RABGAP1L: variants seen among roughly 807,000 people sequenced by gnomAD.
The protein encoded by RABGAP1L is RAB GTPase activating protein 1 like.
In RABGAP1L, 63 loss-of-function variants were observed where a neutral mutation model predicts 137.7. The observed-to-expected ratio is 0.46, with a 90% CI of 0.37 to 0.56. The LOEUF (loss-of-function observed/expected upper bound fraction) is 0.56. RABGAP1L is among the 20% of genes least tolerant of loss of function. The pLI, the probability that RABGAP1L is intolerant of heterozygous loss-of-function variation, is 0.00. For missense variants in RABGAP1L, 1,095 were observed against 1,244.0 expected, an observed-to-expected ratio of 0.88 and a Z score of 1.80; for synonymous variants, 431 against 433.7, an observed-to-expected ratio of 0.99 and a Z score of 0.08.
chr1:174,393,881 T>A, intron 12 of RABGAP1L, 114 bp from the exon 13 acceptor site: 1 of 1,177,474 alleles, frequency 8.5e-7, no homozygotes, highest in Non-Finnish European at 1.2e-6. Context: ...CCCCACAAAC[T>A]GTTTTCTCTT....
chr1:174,527,099 G>C (rs1468259484), intron 13 of RABGAP1L, among the ~76,000 whole-genome samples: 1 of 151,874 alleles, frequency 6.6e-6, no homozygotes, highest in South Asian at 2.1e-4. Flanking sequence ...TTGTTCAGGA[G>C]CATTTTGTTC....
chr1:174,840,233 A>G (rs1693231197), intron 19 of RABGAP1L, among the ~76,000 whole-genome samples: 1 of 152,226 alleles, frequency 6.6e-6, no homozygotes, highest in South Asian at 2.1e-4. Context: ...ATGACAGAAC[A>G]AAGATTACAG....
chr1:174,550,860 A>G (rs1160769698), intron 13 of RABGAP1L, among the ~76,000 whole-genome samples: 1 of 36,586 alleles, frequency 2.7e-5, no homozygotes, highest in Non-Finnish European at 4.5e-5. Context: ...TCTGCTAAAT[A>G]TATATATATA....
intron 19 of RABGAP1L, among the ~76,000 whole-genome samples, chr1:174,899,528 G>A (rs921512163): frequency 1.3e-5 from 2 of 152,080 alleles, no homozygotes; most frequent in Non-Finnish European, 2.9e-5. Context: ...TTTAGAGTAG[G>A]GGACTTGGAT....
intron 13 of RABGAP1L, among the ~76,000 whole-genome samples, chr1:174,457,089 GAA>G (rs1656116730): frequency 6.6e-6 from 1 of 152,306 alleles, no homozygotes; most frequent in East Asian, 1.9e-4. Flanking sequence ...AGAGATTGCA[GAA>G]AAGTCATAGG....
rs911549633 is a variant in RABGAP1L, at chr1:174,628,513, A to G, written c.1711-8862A>G. Among the ~76,000 whole-genome samples, 3 of 152,230 alleles carry G rather than the reference A, an allele frequency of 2.0e-5. No homozygotes were observed. In the East Asian group the frequency reaches 5.8e-4, roughly 29 times the overall value. On this transcript the variant is annotated intron_variant, in intron 13 of 25. Coordinates refer to ENST00000681986, the MANE Select transcript of RABGAP1L (RefSeq NM_001366446.1). The stretch of plus-strand genomic sequence containing the variant: ...AGGCAATATGCTAAGTACTTCACAT[A>G]CATTCTAAATAATGTTATTTTAAGT...
chr1:174,767,893 G>A (rs1368217980), intron 18 of RABGAP1L, among the ~76,000 whole-genome samples: 1 of 152,192 alleles, frequency 6.6e-6, no homozygotes, highest in Non-Finnish European at 1.5e-5. Context: ...TCACGCGGCT[G>A]TGGCAAGAGA....
At chr1:174,306,568 A>G (rs1678272466) in intron 11 of RABGAP1L, among the ~76,000 whole-genome samples, 1 of 152,158 alleles carries the variant, frequency 6.6e-6, no homozygotes, top group African/African-American at 2.4e-5. Context: ...ATCTTCTTGA[A>G]GTATCTTATG....
chr1:174,398,314 A>C (rs1351454498), intron 13 of RABGAP1L, among the ~76,000 whole-genome samples: 1 of 152,136 alleles, frequency 6.6e-6, no homozygotes, highest in Non-Finnish European at 1.5e-5. Flanking sequence ...AGGTAGGGAC[A>C]CAGCCAAACC....
intron 19 of RABGAP1L, among the ~76,000 whole-genome samples, chr1:174,925,690 G>A (rs1386406662): frequency 6.6e-6 from 1 of 151,814 alleles, no homozygotes; most frequent in Non-Finnish European, 1.5e-5. Flanking sequence ...TTTAAAAACG[G>A]AATTTATAGA....
At chr1:174,200,991 C>T (rs1668052993) in intron 1 of RABGAP1L, among the ~76,000 whole-genome samples, 1 of 152,168 alleles carries the variant, frequency 6.6e-6, no homozygotes, top group African/African-American at 2.4e-5. Context: ...TAGCAACCAC[C>T]AGGGCCGTCG....
intron 10 of RABGAP1L, among the ~76,000 whole-genome samples, chr1:174,290,381 C>T (rs1676479034): frequency 6.6e-6 from 1 of 152,226 alleles, no homozygotes; most frequent in Admixed American, 6.5e-5. Flanking sequence ...GCTGGTGAAA[C>T]CATAGACTCA....
chr1:174,215,413 C>G (rs113795832), intron 1 of RABGAP1L, among the ~76,000 whole-genome samples: 1 of 149,868 alleles, frequency 6.7e-6, no homozygotes, highest in African/African-American at 2.5e-5. Flanking sequence ...GCCAATGTTG[C>G]GCCATTATAT....
intron 13 of RABGAP1L, among the ~76,000 whole-genome samples, chr1:174,435,528 C>A (rs1653158157): frequency 6.6e-6 from 1 of 151,876 alleles, no homozygotes; most frequent in African/African-American, 2.4e-5. Context: ...GAAAATTTTC[C>A]TTTTTCCTTG....
chr1:174,231,173 A>G lies in RABGAP1L; in HGVS notation c.360A>G (p.Pro120=). ...TTTCTACACCCAGACCATCTTCTCC[A>G]GGTGGACTACCTGAAGAAGATAGTG... ...TEISTPRPSS[P]GGLPEEDSVL... Residue 120 remains proline, a synonymous_variant, in exon 4 of 26, where the codon CCA becomes CCG. Transcript: ENST00000681986. The G allele has an allele frequency of 6.2e-7, 1 of 1,613,080 alleles. No individual in the cohort carries two copies.
chr1:174,740,530 A>G (rs1281521320), intron 17 of RABGAP1L, among the ~76,000 whole-genome samples: 2 of 152,166 alleles, frequency 1.3e-5, no homozygotes, highest in Non-Finnish European at 2.9e-5. Flanking sequence ...AGTGTTTTAA[A>G]GCCTCCTAAC....
intron 1 of RABGAP1L, among the ~76,000 whole-genome samples, chr1:174,177,930 G>A (rs1666025109): frequency 6.6e-6 from 1 of 152,140 alleles, no homozygotes; most frequent in Non-Finnish European, 1.5e-5. Context: ...CTCCAGCTTT[G>A]TTCTTTTTGC....
At chr1:174,823,170 C>A (rs1691219832) in intron 19 of RABGAP1L, among the ~76,000 whole-genome samples, 1 of 152,054 alleles carries the variant, frequency 6.6e-6, no homozygotes, top group African/African-American at 2.4e-5. Context: ...TTTTTCCCTG[C>A]ACCTAATTCA....
rs1334725069 is a variant in RABGAP1L at position 174,650,356 on chromosome 1, G to A, written c.1824+12868G>A. ...GGATGATGCTGGCCTCATAAAATGA[G>A]TTAGGGAGGATTCCGTCTTTTTCTA... On this transcript the variant is annotated intron_variant, in intron 14 of 25. Coordinates refer to ENST00000681986, the MANE Select transcript of RABGAP1L (RefSeq NM_001366446.1). 2.6e-5 allele frequency among the ~76,000 whole-genome samples: 4 copies of A among 152,276 alleles called. No individual in the cohort carries two copies. In the East Asian group the frequency reaches 7.7e-4, roughly 29 times the overall value.
Sources: gnomAD v4.1 joint callset for allele counts (sites outside exome capture counted in the v4.1 genomes callset) on GRCh38, gnomAD v4.1.1 for gene constraint, MANE v1.5 for transcripts, NCBI Gene and HGNC (gene_info 2026-07-23, HGNC 2026-07-21) for gene names.